Variants in OR3A2 observed in about 807,000 individuals in gnomAD.
OR3A2 encodes olfactory receptor family 3 subfamily A member 2.
For missense variants in OR3A2, 318 were observed against 392.8 expected (o/e 0.81, Z 1.61); for synonymous variants, 126 against 159.3 (o/e 0.79, Z 1.57).
intron 3 of OR3A2, among the ~76,000 whole-genome samples, chr17:3,290,385 C>G (rs1292249774): frequency 1.3e-5 from 2 of 152,162 alleles, no homozygotes; most frequent in Non-Finnish European, 2.9e-5. Flanking sequence ...ACTTGCAATT[C>G]TCTCCCAGTT....
At chr17:3,333,416 C>A (rs1341364893) in intron 3 of OR3A2, among the ~76,000 whole-genome samples, 1 of 152,130 alleles carries the variant, frequency 6.6e-6, no homozygotes, top group Non-Finnish European at 1.5e-5. Flanking sequence ...CTTTGCTTTG[C>A]CCTTTGCCTT....
chr17:3,337,594 G>C (rs1567559898), intron 2 of OR3A2, among the ~76,000 whole-genome samples: 1 of 152,102 alleles, frequency 6.6e-6, no homozygotes, highest in Admixed American at 6.5e-5. Context: ...TCCTTACAAA[G>C]GACATGAACT....
chr17:3,303,458 C>A (rs1304893693), intron 3 of OR3A2, among the ~76,000 whole-genome samples: 2 of 151,988 alleles, frequency 1.3e-5, no homozygotes, highest in African/African-American at 4.8e-5. Context: ...CTTCTACAAC[C>A]AGGCCAGGCA....
Position 3,309,201 on chromosome 17 carries a change from C to T in OR3A2, c.-85+26832G>A, listed in dbSNP as rs550922647. ...GATTACAGGTGTGAGTCACCACGCCCGGCCGAGTATTTTATTAGCAGTGAT... is the reference window on the plus strand; with the variant it reads ...GATTACAGGTGTGAGTCACCACGCCTGGCCGAGTATTTTATTAGCAGTGAT... On this transcript the variant is annotated intron_variant, in intron 3 of 4. Transcript: ENST00000573491. Among the ~76,000 whole-genome samples the T allele has an allele frequency of 2.6e-5, 4 of 152,244 alleles. No individual in the cohort carries two copies. In the Middle Eastern group the frequency reaches 0.01, roughly 388 times the overall value.
At chr17:3,356,811 G>A (rs988462606) in intron 2 of OR3A2, among the ~76,000 whole-genome samples, 4 of 151,550 alleles carry the variant, frequency 2.6e-5, no homozygotes, top group African/African-American at 9.8e-5. Context: ...CTATATATAA[G>A]CATTCTCCAA....
At chr17:3,312,774 C>G (rs922161818) in intron 3 of OR3A2, among the ~76,000 whole-genome samples, 3 of 152,118 alleles carry the variant, frequency 2.0e-5, no homozygotes, top group Non-Finnish European at 4.4e-5. Context: ...CAGGTGCCTG[C>G]CACCACGTCC....
intron 3 of OR3A2, among the ~76,000 whole-genome samples, chr17:3,329,256 C>T (rs1293258316): frequency 1.3e-5 from 2 of 151,330 alleles, no homozygotes; most frequent in African/African-American, 4.9e-5. Flanking sequence ...CCCTCTTTTT[C>T]TGTTGATTGG....
intron 3 of OR3A2, among the ~76,000 whole-genome samples, chr17:3,295,739 C>A (rs758626846): frequency 6.6e-6 from 1 of 151,558 alleles, no homozygotes; most frequent in Non-Finnish European, 1.5e-5. Flanking sequence ...TAAAGGAATA[C>A]CAGTCAGATG....
chr17:3,341,233 G>C (rs2049315596), intron 2 of OR3A2, among the ~76,000 whole-genome samples: 1 of 151,994 alleles, frequency 6.6e-6, no homozygotes, highest in Non-Finnish European at 1.5e-5. Flanking sequence ...TTGCCAGTCT[G>C]TGTCCTTTAA....
exon 3 of OR3A2, chr17:3,336,084 C>T (rs575398971): frequency 6.6e-6 from 1 of 152,426 alleles, no homozygotes; most frequent in East Asian, 1.9e-4. Context: ...AGAAACTCTC[C>T]TTGCCAACGC....
chr17:3,371,475 TCCC>T lies in OR3A2; in HGVS notation c.-179+12326_-179+12328del, dbSNP rs1292345266. Among the ~76,000 whole-genome samples, 24 of 66,342 alleles carry T rather than the reference TCCC, an allele frequency of 3.6e-4. No homozygotes were observed. The Admixed American group carries it at 3.9e-3, about 11-fold the overall frequency. The allele number at this position is 66,342 out of a possible 152,430, so 43.5% of individuals were successfully genotyped here. Reference sequence around the variant, plus strand: ...GGTGGCTGGCTGGGCGGGGGGCTGATCCCCCCACCTCCCTCCCGGATGGGGCGG... The same window carrying T: ...GGTGGCTGGCTGGGCGGGGGGCTGATCCCACCTCCCTCCCGGATGGGGCGG... On this transcript the variant is annotated intron_variant, in intron 2 of 4. Transcript: ENST00000573491.
intron 2 of OR3A2, among the ~76,000 whole-genome samples, chr17:3,381,631 G>A (rs1184398220): frequency 6.6e-6 from 1 of 152,090 alleles, no homozygotes. Context: ...TGTGAGGATG[G>A]TATTTTTATC....
intron 3 of OR3A2, among the ~76,000 whole-genome samples, chr17:3,293,484 C>T (rs2048894148): frequency 6.6e-6 from 1 of 152,080 alleles, no homozygotes; most frequent in African/African-American, 2.4e-5. Context: ...TGAAACATGT[C>T]TTAGACTTGC....
upstream of OR3A2, among the ~76,000 whole-genome samples, chr17:3,287,407 C>T (rs1357504800): frequency 6.6e-6 from 1 of 152,162 alleles, no homozygotes; most frequent in Non-Finnish European, 1.5e-5. Flanking sequence ...TCTATCCTTC[C>T]ACTCTGCATC....
chr17:3,294,891 G>C (rs2048907027), intron 3 of OR3A2, among the ~76,000 whole-genome samples: 1 of 152,104 alleles, frequency 6.6e-6, no homozygotes, highest in Non-Finnish European at 1.5e-5. Flanking sequence ...GGCAATCTGA[G>C]AATTCAAGGA....
intron 3 of OR3A2, among the ~76,000 whole-genome samples, chr17:3,292,834 C>T (rs531338723): frequency 3.9e-5 from 6 of 152,026 alleles, no homozygotes; most frequent in Non-Finnish European, 8.8e-5. Flanking sequence ...TCCTCCAACC[C>T]GCCCCCCAGC....
At chr17:3,372,613 G>A (rs2049640172) in intron 2 of OR3A2, among the ~76,000 whole-genome samples, 1 of 152,144 alleles carries the variant, frequency 6.6e-6, no homozygotes, top group African/African-American at 2.4e-5. Context: ...CTCGCGGTTA[G>A]GAGCTGGAGA....
intron 3 of OR3A2, among the ~76,000 whole-genome samples, chr17:3,306,127 A>C (rs1463392370): frequency 1.3e-5 from 2 of 150,560 alleles, no homozygotes; most frequent in East Asian, 3.9e-4. Context: ...GCTCCACTGG[A>C]GGCTCTGCCT....
chr17:3,308,590 G>A (rs953943235), intron 3 of OR3A2, among the ~76,000 whole-genome samples: 2 of 152,116 alleles, frequency 1.3e-5, no homozygotes, highest in African/African-American at 4.8e-5. Flanking sequence ...GGGGAGGATG[G>A]CAATGCTGCT....
Sources: allele counts gnomAD v4.1 joint callset (sites outside exome capture counted in the v4.1 genomes callset), GRCh38; gene constraint gnomAD v4.1.1; transcripts MANE v1.5; gene names NCBI Gene and HGNC (gene_info 2026-07-23, HGNC 2026-07-21).